The following GDA variants were observed in gnomAD, a reference collection of about 807,000 sequenced individuals.
The protein encoded by GDA is guanine deaminase.
GDA carries 18 observed loss-of-function variants against 59.6 expected under a neutral mutation model. The ratio of observed to expected loss-of-function variants is 0.30; its 90% CI spans 0.21 to 0.45. The LOEUF (loss-of-function observed/expected upper bound fraction) is 0.45, where lower values mean the gene tolerates loss of function less well. GDA is among the 20% of genes least tolerant of loss of function. GDA has a pLI of 1.00. For missense variants in GDA, 427 were observed against 552.3 expected, an observed-to-expected ratio of 0.77 and a Z score of 2.27; for synonymous variants, 201 against 201.1, an observed-to-expected ratio of 1.00 and a Z score of 0.00.
intron 1 of GDA, among the ~76,000 whole-genome samples, chr9:72,134,518 C>G (rs972865087): frequency 2.0e-5 from 3 of 152,000 alleles, no homozygotes; most frequent in African/African-American, 7.2e-5. Context: ...TCTCCTGCCC[C>G]AGCCACATGA....
chr9:72,127,584 C>T (rs1249380879), intron 1 of GDA, among the ~76,000 whole-genome samples: 1 of 150,880 alleles, frequency 6.6e-6, no homozygotes, highest in Non-Finnish European at 1.5e-5. Context: ...TTGCAGTGAG[C>T]CAAGATCACT....
At position 72,149,583 on chromosome 9, in the gene GDA, C is replaced by T. The variant is rs762864946; in HGVS notation, c.24C>T (p.Pro8=). Residue 8 remains proline (P), a synonymous_variant, in exon 1 of 14, where the codon CCC becomes CCT. Coordinates refer to ENST00000358399, the MANE Select transcript of GDA (RefSeq NM_004293.5). MCAAQMP[P]LAHIFRGTFV... is the part of the protein sequence containing the mutation. ...ACATGTGTGCCGCTCAGATGCCGCC[C>T]CTGGCGCACATCTTCCGAGGGACGT... 1 of 1,611,616 alleles carries T rather than the reference C, an allele frequency of 6.2e-7. No individual in the cohort carries two copies. Among genetic ancestry groups the T allele is most frequent in the South Asian group, 1.1e-5 (1 of 91,018 alleles).
intron 4 of GDA, among the ~76,000 whole-genome samples, chr9:72,212,197 G>A (rs936540781): frequency 3.3e-5 from 5 of 152,102 alleles, no homozygotes; most frequent in African/African-American, 1.2e-4. Flanking sequence ...GTTAAGAATA[G>A]TATGGCCAGG....
upstream of GDA, among the ~76,000 whole-genome samples, chr9:72,148,161 T>C (rs1826758295): frequency 6.6e-6 from 1 of 152,172 alleles, no homozygotes; most frequent in Non-Finnish European, 1.5e-5. Context: ...TATGTAGTTG[T>C]CAAAATAGTT....
chr9:72,154,636 T>C (rs1296402613), intron 1 of GDA, among the ~76,000 whole-genome samples: 6 of 152,236 alleles, frequency 3.9e-5, no homozygotes, highest in African/African-American at 1.4e-4. Context: ...TAGCAAGCTA[T>C]CTTTAGTATC....
At chr9:72,223,730 A>C (rs1837196338) in intron 7 of GDA, among the ~76,000 whole-genome samples, 3 of 152,246 alleles carry the variant, frequency 2.0e-5, no homozygotes, top group African/African-American at 7.2e-5. Context: ...ACAAAAAAGT[A>C]TACCTTGCTT....
At chr9:72,186,197 C>T (rs1831842802) in intron 1 of GDA, among the ~76,000 whole-genome samples, 1 of 152,132 alleles carries the variant, frequency 6.6e-6, no homozygotes, top group Non-Finnish European at 1.5e-5. Flanking sequence ...TGTAATTTTG[C>T]CACATTTGCT....
At chr9:72,256,006 G>A (rs1249132278), downstream of GDA, among the ~76,000 whole-genome samples, 1 of 152,054 alleles carries the variant, frequency 6.6e-6, no homozygotes, top group East Asian at 1.9e-4. Flanking sequence ...GTTGTTTGTA[G>A]TACTGTAGAC....
intron 1 of GDA, among the ~76,000 whole-genome samples, chr9:72,189,550 T>C (rs1388244753): frequency 1.3e-5 from 2 of 152,056 alleles, no homozygotes; most frequent in Non-Finnish European, 2.9e-5. Context: ...ATGAGATGAA[T>C]CTATTTTAGG....
downstream of GDA, among the ~76,000 whole-genome samples, chr9:72,259,593 G>T (rs547902587): frequency 5.4e-4 from 83 of 152,318 alleles, no homozygotes; most frequent in Admixed American, 8.5e-4. Flanking sequence ...GAGCCGCTGT[G>T]CAGGGCTCTG....
At chr9:72,256,504 C>T (rs1304017059), downstream of GDA, among the ~76,000 whole-genome samples, 1 of 152,144 alleles carries the variant, frequency 6.6e-6, no homozygotes, top group African/African-American at 2.4e-5. Context: ...ATACATAGGG[C>T]TAAGTGTGGT....
In GDA at chr9:72,247,448, G is replaced by A; in HGVS notation, c.1294+15G>A. Reference sequence around the variant, plus strand: ...CCTCTATCTAGGTAGGTAGATGCATGTCTCTATGCTAAATATTAAATAGAA... The same window carrying A: ...CCTCTATCTAGGTAGGTAGATGCATATCTCTATGCTAAATATTAAATAGAA... On this transcript the variant is annotated intron_variant, in intron 13 of 13. Transcript: ENST00000358399. 7.4e-7 allele frequency: 1 copy of A among 1,344,748 alleles called. No individual in the cohort carries two copies. Among genetic ancestry groups the A allele is most frequent in the South Asian group, 1.2e-5 (1 of 85,228 alleles). The allele number at this position is 1,344,748 out of a possible 1,614,324, so 83.3% of individuals were successfully genotyped here. A position where few individuals can be genotyped will look rare whatever the true frequency, so the allele number is the denominator to read the frequency against.
upstream of GDA, among the ~76,000 whole-genome samples, chr9:72,147,523 T>C (rs1357960839): frequency 6.6e-6 from 1 of 152,186 alleles, no homozygotes; most frequent in Non-Finnish European, 1.5e-5. Flanking sequence ...TTTTGAAAGC[T>C]TAACATTGTG....
At chr9:72,121,369 G>C (rs996109454) in intron 1 of GDA, among the ~76,000 whole-genome samples, 2 of 152,122 alleles carry the variant, frequency 1.3e-5, no homozygotes, top group Non-Finnish European at 2.9e-5. Flanking sequence ...AAGCCAAAGC[G>C]GGTGGATCAC....
In GDA at chr9:72,252,139, A is replaced by G. The variant is rs1840746294; in HGVS notation, c.*3797A>G. ...ATTCATAGGAACATTTTTTCTCAATATTTGTATGATTCGCTTACTGTTATT... is the reference window on the plus strand; with the variant it reads ...ATTCATAGGAACATTTTTTCTCAATGTTTGTATGATTCGCTTACTGTTATT... On this transcript the variant is annotated 3_prime_UTR_variant, in exon 14 of 14. Transcript: ENST00000358399. 1 of 152,544 alleles carries G rather than the reference A, an allele frequency of 6.6e-6. No homozygotes were observed. Among genetic ancestry groups the G allele is most frequent in the African/African-American group, 2.4e-5 (1 of 41,426 alleles). 9.4% of individuals were successfully genotyped at this position (152,544 alleles called of 1,614,324 possible).
intron 5 of GDA, among the ~76,000 whole-genome samples, chr9:72,218,117 T>C (rs574886766): frequency 5.3e-5 from 8 of 152,274 alleles, no homozygotes; most frequent in Middle Eastern, 3.4e-3. Context: ...TTTTGCTACA[T>C]TGGCCAGGCT....
At chr9:72,173,335 C>CTT (rs779786795) in intron 1 of GDA, among the ~76,000 whole-genome samples, 8 of 141,390 alleles carry the variant, frequency 5.7e-5, no homozygotes, top group Non-Finnish European at 7.8e-5. Context: ...ACTTCCCCTT[C>CTT]TTTTTTTTTT....
At chr9:72,159,664 C>T (rs992736704) in intron 1 of GDA, among the ~76,000 whole-genome samples, 1 of 152,274 alleles carries the variant, frequency 6.6e-6, no homozygotes, top group Admixed American at 6.5e-5. Flanking sequence ...ATACATTCCC[C>T]ACCCTCACAC....
At chr9:72,178,698 G>A (rs1028636157) in intron 1 of GDA, among the ~76,000 whole-genome samples, 1 of 152,116 alleles carries the variant, frequency 6.6e-6, no homozygotes, top group East Asian at 1.9e-4. Flanking sequence ...GATTACAGGC[G>A]TGAGCCACCG....
Sources: gnomAD v4.1 joint callset for allele counts (sites outside exome capture counted in the v4.1 genomes callset) on GRCh38, gnomAD v4.1.1 for gene constraint, MANE v1.5 for transcripts, NCBI Gene and HGNC (gene_info 2026-07-23, HGNC 2026-07-21) for gene names.